OR5M8: variants seen among roughly 807,000 people sequenced by gnomAD.
The protein encoded by OR5M8 is olfactory receptor 5M8.
For synonymous variants in OR5M8, 163 were observed against 141.5 expected, an observed-to-expected ratio of 1.15 and a Z score of -1.08; for missense variants, 445 against 379.3, an observed-to-expected ratio of 1.17 and a Z score of -1.44.
chr11:56,491,202 G>T lies in OR5M8; in HGVS notation c.169C>A (p.Pro57Thr). 6.2e-7 allele frequency: 1 copy of T among 1,614,198 alleles called. No homozygotes were observed. The highest frequency in any genetic ancestry group is 1.6e-4 in the Middle Eastern group (1 of 6,062). ...LIQANAWLHM[P>T]MYFFLSHLSF... ...AAGTGGCTCAGGAAAAAGTACATGG[G>T]CATGTGGAGCCAGGCGTTGGCCTGG... is the stretch of plus-strand genomic sequence containing the variant. Residue 57 changes from proline (P) to threonine (T), a missense_variant, in exon 1 of 1, where the codon CCC becomes ACC. Transcript: ENST00000327216.
rs770196855 is a variant in OR5M8 at position 56,490,701 on chromosome 11, T to C, written c.670A>G (p.Ile224Val). Residue 224 changes from isoleucine (I) to valine (V), a missense_variant, in exon 1 of 1, where the codon ATT becomes GTT. Ile to Val is a conservative substitution (Grantham distance 29, BLOSUM62 3). Transcript: ENST00000327216. ...CCCTCTGTAGAGCGAATCTTTAAAA[T>C]AGCAGGGAAAATGTAAAGGTAGGAA... Reference protein sequence around the residue: ...CISYLYIFPAILKIRSTEGRQ... With the variant: ...CISYLYIFPAVLKIRSTEGRQ... The C allele has an allele frequency of 9.3e-6, 15 of 1,613,920 alleles. No homozygotes were observed. The highest frequency in any genetic ancestry group is 1.7e-5 in the Admixed American group (1 of 59,988).
chr11:56,490,573 A>G lies in OR5M8; in HGVS notation c.798T>C (p.Ser266=). The change falls in exon 1 of 1, where the codon TCT becomes TCC. Residue 266 remains serine, a synonymous_variant. Coordinates refer to ENST00000327216, the MANE Select transcript of OR5M8 (RefSeq NM_001005282.1). The part of the protein sequence containing the change: ...FMYLRPPSKE[S]VEQGKMVAVF... The stretch of plus-strand genomic sequence containing the variant: ...CAGCTACCATTTTACCCTGTTCAAC[A>G]GATTCCTTTGAGGGGGGTCTGAGAT... 6.2e-7 allele frequency: 1 copy of G among 1,613,994 alleles called. No homozygotes were observed. The highest frequency in any genetic ancestry group is 8.5e-7 in the Non-Finnish European group (1 of 1,179,856).
rs1479960151 is a variant in OR5M8 at position 56,491,204 on chromosome 11, A to C, written c.167T>G (p.Met56Arg). ...GTGGCTCAGGAAAAAGTACATGGGC[A>C]TGTGGAGCCAGGCGTTGGCCTGGAT... is the stretch of plus-strand genomic sequence containing the variant. ...VLIQANAWLH[M>R]PMYFFLSHLS... The change falls in exon 1 of 1, where the codon ATG (methionine) becomes AGG (arginine). Residue 56 changes from methionine (M) to arginine (R), a missense_variant. Coordinates refer to ENST00000327216, the MANE Select transcript of OR5M8 (RefSeq NM_001005282.1). 5.6e-6 allele frequency: 9 copies of C among 1,614,234 alleles called. No individual in the cohort carries two copies. Among genetic ancestry groups the C allele is most frequent in the Non-Finnish European group, 7.6e-6 (9 of 1,180,042 alleles).
chr11:56,490,685 G>C lies in OR5M8; in HGVS notation c.686C>G (p.Ser229Cys), dbSNP rs1853840443. 3 of 1,613,976 alleles carry C rather than the reference G, an allele frequency of 1.9e-6. No homozygotes were observed. In the African/African-American group the frequency reaches 4.0e-5, roughly 22 times the overall value. ...AAAAGCTTTTTGCCTGCCCTCTGTA[G>C]AGCGAATCTTTAAAATAGCAGGGAA... ...YIFPAILKIRSTEGRQKAFST... is the reference protein window; with the variant it reads ...YIFPAILKIRCTEGRQKAFST... Residue 229 changes from serine to cysteine, a missense_variant, in exon 1 of 1, where the codon TCT becomes TGT. Ser to Cys is a moderately radical substitution (Grantham distance 112, BLOSUM62 -1). Transcript: ENST00000327216.
rs780951583 is a variant in OR5M8 at position 56,491,210 on chromosome 11, A to G, written c.161T>C (p.Leu54Pro). 5.6e-6 allele frequency: 9 copies of G among 1,614,216 alleles called. No individual in the cohort carries two copies. Among genetic ancestry groups the G allele is most frequent in the Non-Finnish European group, 7.6e-6 (9 of 1,180,042 alleles). ...MIVLIQANAW[L>P]HMPMYFFLSH... Reference sequence around the variant, plus strand: ...CAGGAAAAAGTACATGGGCATGTGGAGCCAGGCGTTGGCCTGGATGAGGAC... The same window carrying G: ...CAGGAAAAAGTACATGGGCATGTGGGGCCAGGCGTTGGCCTGGATGAGGAC... The change falls in exon 1 of 1, where the codon CTC becomes CCC. Residue 54 changes from leucine (L) to proline (P), a missense_variant. Physicochemically the swap from Leu to Pro is moderately conservative, Grantham distance 98. Coordinates refer to ENST00000327216, the MANE Select transcript of OR5M8 (RefSeq NM_001005282.1).
At position 56,490,721 on chromosome 11, in the gene OR5M8, T is replaced by A; in HGVS notation, c.650A>T (p.Tyr217Phe). 2.5e-6 allele frequency: 4 copies of A among 1,613,918 alleles called. No homozygotes were observed. Among genetic ancestry groups the A allele is most frequent in the Non-Finnish European group, 3.4e-6 (4 of 1,179,994 alleles). The change falls in exon 1 of 1, where the codon TAC (tyrosine) becomes TTC (phenylalanine). Residue 217 changes from tyrosine to phenylalanine, a missense_variant. Physicochemically the swap from Tyr to Phe is conservative, Grantham distance 22 (BLOSUM62 3). Transcript: ENST00000327216. The part of the protein sequence containing the change: ...SFSLFIICIS[Y>F]LYIFPAILKI... Reference sequence around the variant, plus strand: ...TAAAATAGCAGGGAAAATGTAAAGGTAGGAAATACATATGATGAAGAGAGA... The same window carrying A: ...TAAAATAGCAGGGAAAATGTAAAGGAAGGAAATACATATGATGAAGAGAGA...
At position 56,490,908 on chromosome 11, in the gene OR5M8, C is replaced by A; in HGVS notation, c.463G>T (p.Gly155Cys). Residue 155 changes from glycine to cysteine, a missense_variant, in exon 1 of 1, where the codon GGC becomes TGC. Coordinates refer to ENST00000327216, the MANE Select transcript of OR5M8 (RefSeq NM_001005282.1). ...TVPYVYGALT[G>C]LMETMWTYNL... ...TAGGTCCACATGGTCTCCATCAGGC[C>A]AGTGAGCGCTCCATACACATAAGGC... 1 of 1,613,900 alleles carries A rather than the reference C, an allele frequency of 6.2e-7. No individual in the cohort carries two copies. Among genetic ancestry groups the A allele is most frequent in the Non-Finnish European group, 8.5e-7 (1 of 1,179,860 alleles).
In OR5M8 at chr11:56,491,242, G is replaced by A. The variant is rs1466280652; in HGVS notation, c.129C>T (p.Gly43=). 2 of 1,614,160 alleles carry A rather than the reference G, an allele frequency of 1.2e-6. No homozygotes were observed. The highest frequency in any genetic ancestry group is 1.3e-5 in the African/African-American group (1 of 75,050). ...CGTTGGCCTGGATGAGGACAATCATGCCAAGGTTCCCTGCCACCGTGACCA... is the reference window on the plus strand; with the variant it reads ...CGTTGGCCTGGATGAGGACAATCATACCAAGGTTCCCTGCCACCGTGACCA... ...IYMVTVAGNL[G]MIVLIQANAW... The change falls in exon 1 of 1, where the codon GGC becomes GGT. Residue 43 remains glycine, a synonymous_variant. Transcript: ENST00000327216.
In OR5M8 at chr11:56,491,092, A is replaced by T. The variant is rs1350490225; in HGVS notation, c.279T>A (p.Tyr93Ter). 2 of 1,614,230 alleles carry T rather than the reference A, an allele frequency of 1.2e-6. No individual in the cohort carries two copies. Among genetic ancestry groups the T allele is most frequent in the Non-Finnish European group, 1.7e-6 (2 of 1,180,040 alleles). ...IFLSEKKSISYPACLVQCYLF... is the reference protein window; with the variant it reads ...IFLSEKKSIS ...GGTAACACTGCACAAGACAGGCAGG[A>T]TAGGAAATGCTTTTCTTCTCTGAAA... The change falls in exon 1 of 1, where the codon TAT becomes TAA. Residue 93 changes from tyrosine to a stop codon, truncating the protein, a stop_gained. Transcript: ENST00000327216. LOFTEE classifies it low-confidence loss of function (END_TRUNC).
In OR5M8 at chr11:56,490,953, A is replaced by C; in HGVS notation, c.418T>G (p.Cys140Gly). Reference sequence around the variant, plus strand: ...TAAGGCACCGTGATGAGGAAGGAGCACACACTCTTGGACATTCTGCTGCCA... The same window carrying C: ...TAAGGCACCGTGATGAGGAAGGAGCCCACACTCTTGGACATTCTGCTGCCA... ...LYGSRMSKSV[C>G]SFLITVPYVY... The change falls in exon 1 of 1, where the codon TGC (cysteine) becomes GGC (glycine). Residue 140 changes from cysteine to glycine, a missense_variant. Coordinates refer to ENST00000327216, the MANE Select transcript of OR5M8 (RefSeq NM_001005282.1). The C allele has an allele frequency of 6.2e-7, 1 of 1,614,102 alleles. No individual in the cohort carries two copies. The highest frequency in any genetic ancestry group is 1.1e-5 in the South Asian group (1 of 91,082).
Position 56,490,876 on chromosome 11 carries a change from T to C in OR5M8, c.495A>G (p.Leu165=). Reference sequence around the variant, plus strand: ...TAATTTCATTGGGGCCACAGAAGGCTAGGTTGTAGGTCCACATGGTCTCCA... The same window carrying C: ...TAATTTCATTGGGGCCACAGAAGGCCAGGTTGTAGGTCCACATGGTCTCCA... ...GLMETMWTYN[L]AFCGPNEINH... The change falls in exon 1 of 1, where the codon CTA becomes CTG. Residue 165 remains leucine, a synonymous_variant. Transcript: ENST00000327216. 6.2e-7 allele frequency: 1 copy of C among 1,613,890 alleles called. No homozygotes were observed. Among genetic ancestry groups the C allele is most frequent in the Non-Finnish European group, 8.5e-7 (1 of 1,179,888 alleles).
chr11:56,490,704 C>T lies in OR5M8; in HGVS notation c.667G>A (p.Ala223Thr), dbSNP rs1853840871. 6.2e-7 allele frequency: 1 copy of T among 1,613,860 alleles called. No individual in the cohort carries two copies. Among genetic ancestry groups the T allele is most frequent in the African/African-American group, 1.3e-5 (1 of 74,824 alleles). The change falls in exon 1 of 1, where the codon GCT (alanine) becomes ACT (threonine). Residue 223 changes from alanine (A) to threonine (T), a missense_variant. Transcript: ENST00000327216. ...ICISYLYIFP[A>T]ILKIRSTEGR... ...TCTGTAGAGCGAATCTTTAAAATAG[C>T]AGGGAAAATGTAAAGGTAGGAAATA... is the stretch of plus-strand genomic sequence containing the variant.
chr11:56,491,292 A>G lies in OR5M8; in HGVS notation c.79T>C (p.Phe27Leu). The change falls in exon 1 of 1, where the codon TTC becomes CTC. Residue 27 changes from phenylalanine (F) to leucine (L), a missense_variant. By Grantham distance (22) the Phe-to-Leu change is conservative (BLOSUM62 0). Transcript: ENST00000327216. ...TSRRELQILLFTLFLAIYMVT... is the reference protein window; with the variant it reads ...TSRRELQILLLTLFLAIYMVT... ...ATGTAAATGGCCAGAAACAGCGTGA[A>G]GAGGAGAATTTGTAATTCCCGGCGA... 3 of 1,614,086 alleles carry G rather than the reference A, an allele frequency of 1.9e-6. No homozygotes were observed. Among genetic ancestry groups the G allele is most frequent in the Non-Finnish European group, 2.5e-6 (3 of 1,179,976 alleles).
In OR5M8 at chr11:56,490,743, G is replaced by C; in HGVS notation, c.628C>G (p.Leu210Val). The change falls in exon 1 of 1, where the codon CTC (leucine) becomes GTC (valine). Residue 210 changes from leucine to valine, a missense_variant. Coordinates refer to ENST00000327216, the MANE Select transcript of OR5M8 (RefSeq NM_001005282.1). ...IVAGWNLSFSLFIICISYLYI... is the reference protein window; with the variant it reads ...IVAGWNLSFSVFIICISYLYI... ...AGGTAGGAAATACATATGATGAAGA[G>C]AGAAAAAGAAAGGTTCCAGCCAGCC... is the stretch of plus-strand genomic sequence containing the variant. 1.2e-6 allele frequency: 2 copies of C among 1,614,178 alleles called. No individual in the cohort carries two copies. Among genetic ancestry groups the C allele is most frequent in the East Asian group, 2.2e-5 (1 of 44,882 alleles).
In OR5M8 at chr11:56,491,136, T is replaced by C. The variant is rs746595480; in HGVS notation, c.235A>G (p.Lys79Glu). Residue 79 changes from lysine to glutamate, a missense_variant, in exon 1 of 1, where the codon AAG becomes GAG. Lys to Glu is a moderately conservative substitution (Grantham distance 56). Transcript: ENST00000327216. The stretch of plus-strand genomic sequence containing the variant: ...TCTGAAAGGAAAATCTCCAGCATCT[T>C]TGGAGTCACATTGGAAGAGAAGCAC... ...DLCFSSNVTP[K>E]MLEIFLSEKK... 2.3e-5 allele frequency: 37 copies of C among 1,613,922 alleles called. No homozygotes were observed. The highest frequency in any genetic ancestry group is 3.3e-5 in the Admixed American group (2 of 60,012).
Position 56,490,752 on chromosome 11 carries a change from A to G in OR5M8, c.619T>C (p.Ser207Pro). The change falls in exon 1 of 1, where the codon TCT becomes CCT. Residue 207 changes from serine (S) to proline (P), a missense_variant. Transcript: ENST00000327216. Reference sequence around the variant, plus strand: ...ATACATATGATGAAGAGAGAAAAAGAAAGGTTCCAGCCAGCCACAATAAAC... The same window carrying G: ...ATACATATGATGAAGAGAGAAAAAGGAAGGTTCCAGCCAGCCACAATAAAC... ...SMFIVAGWNL[S>P]FSLFIICISY... 1 of 1,614,226 alleles carries G rather than the reference A, an allele frequency of 6.2e-7. No homozygotes were observed. The highest frequency in any genetic ancestry group is 1.3e-5 in the African/African-American group (1 of 75,054).
In OR5M8 at chr11:56,490,835, G is replaced by C. The variant is rs376477019; in HGVS notation, c.536C>G (p.Ala179Gly). The change falls in exon 1 of 1, where the codon GCG becomes GGG. Residue 179 changes from alanine (A) to glycine (G), a missense_variant. Transcript: ENST00000327216. ...AGCCAGCTTAATCAGTGGTGGGTCCGCACAGTAGAAGTGATTAATTTCATT... is the reference window on the plus strand; with the variant it reads ...AGCCAGCTTAATCAGTGGTGGGTCCCCACAGTAGAAGTGATTAATTTCATT... ...GPNEINHFYC[A>G]DPPLIKLACS... 1.9e-5 allele frequency: 31 copies of C among 1,613,948 alleles called. No homozygotes were observed. Among genetic ancestry groups the C allele is most frequent in the African/African-American group, 2.7e-5 (2 of 74,916 alleles).
rs1853850462 is a variant in OR5M8 at position 56,491,230 on chromosome 11, G to A, written c.141C>T (p.Leu47=). The A allele has an allele frequency of 8.1e-6, 13 of 1,614,176 alleles. No homozygotes were observed. Among genetic ancestry groups the A allele is most frequent in the Non-Finnish European group, 1.1e-5 (13 of 1,180,000 alleles). ...TVAGNLGMIV[L]IQANAWLHMP... The stretch of plus-strand genomic sequence containing the variant: ...TGTGGAGCCAGGCGTTGGCCTGGAT[G>A]AGGACAATCATGCCAAGGTTCCCTG... The change falls in exon 1 of 1, where the codon CTC becomes CTT. Residue 47 remains leucine, a synonymous_variant. Coordinates refer to ENST00000327216, the MANE Select transcript of OR5M8 (RefSeq NM_001005282.1).
At position 56,490,991 on chromosome 11, in the gene OR5M8, T is replaced by C. The variant is rs774054328; in HGVS notation, c.380A>G (p.Asn127Ser). ...CATTCTGCTGCCATAAAGCAGAGGG[T>C]TGCAGATGGCCATGTACCGGTCAAA... Reference protein sequence around the residue: ...MAFDRYMAICNPLLYGSRMSK... With the variant: ...MAFDRYMAICSPLLYGSRMSK... Residue 127 changes from asparagine (N) to serine (S), a missense_variant, in exon 1 of 1, where the codon AAC (asparagine) becomes AGC (serine). Asn to Ser is a conservative substitution (Grantham distance 46). Coordinates refer to ENST00000327216, the MANE Select transcript of OR5M8 (RefSeq NM_001005282.1). 10 of 1,613,938 alleles carry C rather than the reference T, an allele frequency of 6.2e-6. No individual in the cohort carries two copies. The highest frequency in any genetic ancestry group is 1.1e-5 in the South Asian group (1 of 91,072).
Sources: gnomAD v4.1 joint callset for allele counts on GRCh38, gnomAD v4.1.1 for gene constraint, MANE v1.5 for transcripts, NCBI Gene and HGNC (gene_info 2026-07-23, HGNC 2026-07-21) for gene names.